RPGRIP1L: variants seen among roughly 807,000 people sequenced by gnomAD.
The protein encoded by RPGRIP1L is protein fantom.
Under a neutral mutation model 160.4 loss-of-function variants are expected in RPGRIP1L, and 131 were observed. The observed-to-expected ratio is 0.82, with a 90% CI of 0.71 to 0.94. RPGRIP1L has a LOEUF of 0.94. RPGRIP1L is among the 40% of genes least tolerant of loss of function. RPGRIP1L has a pLI of 0.00. For missense variants in RPGRIP1L, 1,522 were observed against 1,535.8 expected (o/e 0.99, Z 0.15); for synonymous variants, 510 against 515.8 (o/e 0.99, Z 0.15).
intron 9 of RPGRIP1L, among the ~76,000 whole-genome samples, chr16:53,667,700 C>A (rs1030875255): frequency 7.9e-5 from 12 of 151,962 alleles, no homozygotes; most frequent in Admixed American, 3.9e-4. Flanking sequence ...TGGGGAAACC[C>A]CACCTCTACT....
intron 6 of RPGRIP1L, among the ~76,000 whole-genome samples, chr16:53,686,042 C>A (rs1389803142): frequency 6.6e-6 from 1 of 152,142 alleles, no homozygotes; most frequent in African/African-American, 2.4e-5. Flanking sequence ...AATTTACTAT[C>A]TTTTAAGGTT....
rs980753839 is a variant in RPGRIP1L at position 53,646,465 on chromosome 16, A to G, written c.2305-462T>C. On this transcript the variant is annotated intron_variant, in intron 16 of 26. Transcript: ENST00000647211. ...GATACCTGAGGCCAAATTAGCCAGTATAACAAAGTCTAACTGTTACGAGAA... is the reference window on the plus strand; with the variant it reads ...GATACCTGAGGCCAAATTAGCCAGTGTAACAAAGTCTAACTGTTACGAGAA... Among the ~76,000 whole-genome samples the G allele has an allele frequency of 6.6e-5, 10 of 151,986 alleles. 1 individual carries two copies. The highest frequency in any genetic ancestry group is 4.6e-4 in the Admixed American group (7 of 15,278).
At chr16:53,615,256 C>T (rs8050354) in intron 24 of RPGRIP1L, among the ~76,000 whole-genome samples, 73,001 of 151,748 alleles carry the variant, frequency 0.48, 21,513 homozygotes, top group African/African-American at 0.83. Flanking sequence ...GTCAATTCCA[C>T]TGTAGGCTTT....
At chr16:53,679,215 T>G (rs752139601) in intron 6 of RPGRIP1L, among the ~76,000 whole-genome samples, 1 of 152,128 alleles carries the variant, frequency 6.6e-6, no homozygotes, top group Non-Finnish European at 1.5e-5. Context: ...CCCACAGGAA[T>G]GGAGGGGACA....
intron 6 of RPGRIP1L, among the ~76,000 whole-genome samples, chr16:53,679,820 G>C (rs1346931430): frequency 6.6e-6 from 1 of 152,104 alleles, no homozygotes; most frequent in Admixed American, 6.5e-5. Flanking sequence ...TCCCTAGAGA[G>C]AAAAACAGCT....
At position 53,611,049 on chromosome 16, in the gene RPGRIP1L, T is replaced by A. The variant is rs1442050088; in HGVS notation, c.3619A>T (p.Ile1207Phe). ...TTGTTGTTTTCTTTATCCACGTAGATCACTATACCAAAAGAAAAAAAAATG... is the reference window on the plus strand; with the variant it reads ...TTGTTGTTTTCTTTATCCACGTAGAACACTATACCAAAAGAAAAAAAAATG... ...QWVYYNYSNVIYVDKENNKAK... is the reference protein window; with the variant it reads ...QWVYYNYSNVFYVDKENNKAK... Residue 1207 changes from isoleucine (I) to phenylalanine (F), a missense_variant and splice_region_variant, in exon 25 of 27, where the codon ATC becomes TTC. Transcript: ENST00000647211. The A allele has an allele frequency of 1.9e-6, 3 of 1,608,668 alleles. No homozygotes were observed. Among genetic ancestry groups the A allele is most frequent in the African/African-American group, 2.7e-5 (2 of 74,720 alleles).
intron 17 of RPGRIP1L, among the ~76,000 whole-genome samples, chr16:53,643,718 T>C (rs895968971): frequency 6.6e-6 from 1 of 152,180 alleles, no homozygotes; most frequent in Non-Finnish European, 1.5e-5. Context: ...AAATAGATTC[T>C]ACAGAAATAG....
In RPGRIP1L at chr16:53,619,130, G is replaced by A. The variant is rs200189895; in HGVS notation, c.3511C>T (p.Arg1171Trp). 31 of 1,613,886 alleles carry A rather than the reference G, an allele frequency of 1.9e-5. 1 individual carries two copies. The highest frequency in any genetic ancestry group is 8.9e-5 in the East Asian group (4 of 44,870). Residue 1171 changes from arginine to tryptophan, a missense_variant, in exon 24 of 27, where the codon CGG (arginine) becomes TGG (tryptophan). Transcript: ENST00000647211. The part of the protein sequence containing the change: ...SQVTMDDTIQ[R>W]LFVECRFYSL... ...TAGAATCGACACTCAACAAACAGCC[G>A]TTGGATAGTGTCATCCATGGTTACT...
At position 53,598,421 on chromosome 16, in the gene RPGRIP1L, G is replaced by A. The variant is rs1180681861; in HGVS notation, c.*3655C>T. On this transcript the variant is annotated 3_prime_UTR_variant, in exon 27 of 27. Transcript: ENST00000647211. ...GAAAATGAAAGGGCAAGAACAAAAG[G>A]TATAAGAATACCAGTAATATGGGTC... 1 of 152,150 alleles carries A rather than the reference G, an allele frequency of 6.6e-6. No individual in the cohort carries two copies. Among genetic ancestry groups the A allele is most frequent in the Non-Finnish European group, 1.5e-5 (1 of 68,020 alleles). 9.4% of individuals were successfully genotyped at this position (152,150 alleles called of 1,614,324 possible). A position where few individuals can be genotyped will look rare whatever the true frequency, so the allele number is the denominator to read the frequency against.
intron 22 of RPGRIP1L, among the ~76,000 whole-genome samples, chr16:53,627,030 A>G (rs1037595747): frequency 6.6e-6 from 1 of 152,142 alleles, no homozygotes; most frequent in African/African-American, 2.4e-5. Flanking sequence ...GATAATTCAT[A>G]CTTTGGATCA....
At chr16:53,622,834 CACACACACACAA>C (rs1227469886) in intron 22 of RPGRIP1L, among the ~76,000 whole-genome samples, 34 of 151,490 alleles carry the variant, frequency 2.2e-4, no homozygotes, top group African/African-American at 7.8e-4. Context: ...CACACACACA[CACACACACACAA>C]ATAGCCAGGC....
rs767920573 is a variant in RPGRIP1L at position 53,638,346 on chromosome 16, T to G, written c.3024A>C (p.Ile1008=). The change falls in exon 20 of 27, where the codon ATA becomes ATC. Residue 1008 remains isoleucine, a synonymous_variant. Coordinates refer to ENST00000647211, the MANE Select transcript of RPGRIP1L (RefSeq NM_015272.5). ...ISPEVEHIPE[I]EINMLTVPHV... ...GTGGAACAGTCAGCATATTAATTTC[T>G]ATTTCTGGTATATGCTCTACCTCTG... The G allele has an allele frequency of 1.9e-6, 3 of 1,596,456 alleles. No homozygotes were observed. The highest frequency in any genetic ancestry group is 2.6e-6 in the Non-Finnish European group (3 of 1,164,418).
chr16:53,651,924 CTAT>C (rs1256214266), intron 15 of RPGRIP1L, among the ~76,000 whole-genome samples: 9 of 150,796 alleles, frequency 6.0e-5, no homozygotes, highest in African/African-American at 9.8e-5. Flanking sequence ...ATAATTTAAA[CTAT>C]TATTATGAAC....
intron 26 of RPGRIP1L, among the ~76,000 whole-genome samples, chr16:53,604,918 C>G (rs577972083): frequency 1.4e-4 from 21 of 152,148 alleles, no homozygotes; most frequent in Non-Finnish European, 2.8e-4. Context: ...TGGCTCACGC[C>G]TGTAGTCCGG....
At chr16:53,688,619 T>C (rs1423324905) in intron 4 of RPGRIP1L, among the ~76,000 whole-genome samples, 2 of 152,204 alleles carry the variant, frequency 1.3e-5, no homozygotes, top group African/African-American at 2.4e-5. Flanking sequence ...TTTACATTTA[T>C]AGAATAACTA....
chr16:53,701,166 G>A (rs982864992), intron 1 of RPGRIP1L, among the ~76,000 whole-genome samples: 8 of 152,150 alleles, frequency 5.3e-5, no homozygotes, highest in Non-Finnish European at 1.2e-4. Context: ...ACCTATCTCA[G>A]AGAGTTATTC....
chr16:53,686,869 A>G (rs1338089049), intron 5 of RPGRIP1L, among the ~76,000 whole-genome samples: 6 of 152,330 alleles, frequency 3.9e-5, no homozygotes, highest in Non-Finnish European at 7.4e-5. Context: ...TATGTATGCC[A>G]CAATCTGGTC....
Position 53,698,718 on chromosome 16 carries a change from G to T in RPGRIP1L, c.85+1921C>A, listed in dbSNP as rs556401349. The stretch of plus-strand genomic sequence containing the variant: ...AGCCGCACCGCCCGGGAGGGAGGTG[G>T]GGGGGTCAGCACCCCGCCCGGCCAG... On this transcript the variant is annotated intron_variant, in intron 2 of 26. Coordinates refer to ENST00000647211, the MANE Select transcript of RPGRIP1L (RefSeq NM_015272.5). Among the ~76,000 whole-genome samples the T allele has an allele frequency of 1.2e-3, 175 of 145,976 alleles. 2 individuals carry two copies. Among genetic ancestry groups the T allele is most frequent in the African/African-American group, 4.3e-3 (169 of 39,294 alleles).
chr16:53,698,784 C>T (rs1318661471), intron 2 of RPGRIP1L, among the ~76,000 whole-genome samples: 1 of 151,090 alleles, frequency 6.6e-6, no homozygotes, highest in East Asian at 2.0e-4. Flanking sequence ...CAGCCCCCCA[C>T]CCGGCCAGCC....
Sources: allele counts gnomAD v4.1 joint callset (sites outside exome capture counted in the v4.1 genomes callset), GRCh38; gene constraint gnomAD v4.1.1; transcripts MANE v1.5; gene names NCBI Gene and HGNC (gene_info 2026-07-23, HGNC 2026-07-21).